MRPS35: variants seen among roughly 807,000 people sequenced by gnomAD.
MRPS35 encodes the protein small ribosomal subunit protein mS35.
MRPS35 carries 29 observed loss-of-function variants against 32.7 expected under a neutral mutation model. The ratio of observed to expected loss-of-function variants is 0.89; its 90% CI spans 0.66 to 1.21. The LOEUF is 1.21. Ranked by LOEUF, MRPS35 falls within the 50% of genes most tolerant of loss-of-function variation. The pLI, the probability that MRPS35 is intolerant of heterozygous loss-of-function variation, is 0.00. For synonymous variants in MRPS35, 148 were observed against 139.3 expected (o/e 1.06, Z -0.44); for missense variants, 373 against 383.8 (o/e 0.97, Z 0.23).
In MRPS35 at chr12:27,756,067, A is replaced by T. The variant is rs1467169861; in HGVS notation, c.*617A>T. On this transcript the variant is annotated 3_prime_UTR_variant, in exon 8 of 8. Transcript: ENST00000081029. ...AAAGTAGAAGTGGAGATTACCTGGT[A>T]TGTATCTCTCTGGGTGCCCCAGTTA... 1 of 152,272 alleles carries T rather than the reference A, an allele frequency of 6.6e-6. No individual in the cohort carries two copies. The highest frequency in any genetic ancestry group is 1.5e-5 in the Non-Finnish European group (1 of 68,062). The allele number at this position is 152,272 out of a possible 1,614,324, so 9.4% of individuals were successfully genotyped here.
chr12:27,737,499 G>A (rs1302048664), intron 6 of MRPS35, 40 bp from the exon 7 acceptor site: 1 of 1,556,220 alleles, frequency 6.4e-7, no homozygotes, highest in African/African-American at 1.4e-5. Context: ...TGTGTACTGA[G>A]TTTTTAGAAT....
At chr12:27,737,099 C>A (rs910846369) in intron 6 of MRPS35, among the ~76,000 whole-genome samples, 2 of 152,182 alleles carry the variant, frequency 1.3e-5, no homozygotes, top group Non-Finnish European at 2.9e-5. Context: ...TGGCCTCAAA[C>A]TTCTAGCCTC....
intron 7 of MRPS35, among the ~76,000 whole-genome samples, chr12:27,740,413 G>A (rs11049114): frequency 0.15 from 23,215 of 151,992 alleles, 2,402 homozygotes; most frequent in South Asian, 0.3. Context: ...GACTACAGGC[G>A]CATGGCACCA....
intron 7 of MRPS35, among the ~76,000 whole-genome samples, chr12:27,745,674 T>C (rs180897621): frequency 1.2e-3 from 180 of 152,170 alleles, no homozygotes; most frequent in African/African-American, 4.1e-3. Flanking sequence ...ACCCATTAAC[T>C]CGTCATTTAA....
At chr12:27,719,120 T>G (rs556040331) in intron 3 of MRPS35, among the ~76,000 whole-genome samples, 10 of 151,990 alleles carry the variant, frequency 6.6e-5, no homozygotes, top group Admixed American at 1.3e-4. Flanking sequence ...AAAATCCACG[T>G]GCTTAAGTCC....
intron 6 of MRPS35, among the ~76,000 whole-genome samples, chr12:27,737,024 C>G (rs988989424): frequency 6.6e-6 from 1 of 152,186 alleles, no homozygotes; most frequent in Non-Finnish European, 1.5e-5. Flanking sequence ...TACAGGTGCG[C>G]ATCACCATGC....
chr12:27,751,867 A>T (rs915881671), intron 7 of MRPS35, among the ~76,000 whole-genome samples: 1 of 152,332 alleles, frequency 6.6e-6, no homozygotes, highest in Admixed American at 6.5e-5. Context: ...CTGCACGCCA[A>T]ACTCGCTGAG....
intron 5 of MRPS35, among the ~76,000 whole-genome samples, chr12:27,728,155 G>T (rs1447767240): frequency 1.3e-5 from 2 of 152,050 alleles, no homozygotes; most frequent in African/African-American, 4.8e-5. Flanking sequence ...CCGTTTGCAT[G>T]TTGATCCAAT....
chr12:27,710,870 G>T lies in MRPS35; in HGVS notation c.27G>T (p.Trp9Cys), dbSNP rs201984315. 45 of 1,610,316 alleles carry T rather than the reference G, an allele frequency of 2.8e-5. No individual in the cohort carries two copies. Among genetic ancestry groups the T allele is most frequent in the Non-Finnish European group, 3.7e-5 (44 of 1,179,822 alleles). The change falls in exon 1 of 8, where the codon TGG becomes TGT. Residue 9 changes from tryptophan (W) to cysteine (C), a missense_variant. Coordinates refer to ENST00000081029, the MANE Select transcript of MRPS35 (RefSeq NM_021821.4). ...TGGCGGCCGCCGCGCTCCCAGCATG[G>T]CTGTCTCTGCAGTCGAGGGCAAGGA... MAAAALPA[W>C]LSLQSRARTL...
intron 1 of MRPS35, among the ~76,000 whole-genome samples, chr12:27,713,573 A>G (rs1024286696): frequency 2.0e-5 from 3 of 151,454 alleles, no homozygotes; most frequent in Non-Finnish European, 4.4e-5. Flanking sequence ...CCAGGTCCAG[A>G]AGAGAGAGAG....
intron 7 of MRPS35, among the ~76,000 whole-genome samples, chr12:27,743,550 AT>A (rs1383692798): frequency 1.3e-5 from 2 of 152,172 alleles, no homozygotes; most frequent in Non-Finnish European, 2.9e-5. Flanking sequence ...ATAAAATAAA[AT>A]GGCAAATGTT....
At chr12:27,737,306 C>T (rs575603757) in intron 6 of MRPS35, among the ~76,000 whole-genome samples, 1 of 152,302 alleles carries the variant, frequency 6.6e-6, no homozygotes, top group Admixed American at 6.5e-5. Context: ...CAGATAACTC[C>T]ATTAGTAATG....
rs547243826 is a variant in MRPS35 at position 27,745,925 on chromosome 12, G to A, written c.702+8317G>A. On this transcript the variant is annotated intron_variant, in intron 7 of 7. Transcript: ENST00000081029. ...ATTTTTTATGGCTGCATAGTATTCC[G>A]TGGTGTATATGTGCCACATTTTCTT... is the stretch of plus-strand genomic sequence containing the variant. 3.6e-4 allele frequency among the ~76,000 whole-genome samples: 55 copies of A among 152,226 alleles called. 1 individual carries two copies. In the South Asian group the frequency reaches 8.7e-3, roughly 24 times the overall value.
chr12:27,738,285 A>C (rs1158795565), intron 7 of MRPS35, among the ~76,000 whole-genome samples: 2 of 152,196 alleles, frequency 1.3e-5, no homozygotes, highest in Admixed American at 6.5e-5. Flanking sequence ...CAATACTTTC[A>C]GTAATTGTGT....
intron 7 of MRPS35, among the ~76,000 whole-genome samples, chr12:27,751,343 TC>T (rs1000997926): frequency 6.6e-5 from 10 of 152,054 alleles, no homozygotes; most frequent in African/African-American, 2.2e-4. Flanking sequence ...TTTTGTCAGA[TC>T]CCGGGGTCTG....
chr12:27,714,132 A>G (rs1326567700), intron 1 of MRPS35, among the ~76,000 whole-genome samples: 1 of 152,044 alleles, frequency 6.6e-6, no homozygotes, highest in African/African-American at 2.4e-5. Context: ...ACCGTCATAC[A>G]AACTAATTGA....
At chr12:27,722,711 T>C (rs2061881761) in intron 4 of MRPS35, among the ~76,000 whole-genome samples, 1 of 152,176 alleles carries the variant, frequency 6.6e-6, no homozygotes, top group Admixed American at 6.5e-5. Flanking sequence ...TACAATGATG[T>C]TAATTGCAAA....
chr12:27,726,726 G>C (rs1441809278), intron 5 of MRPS35, among the ~76,000 whole-genome samples: 2 of 151,948 alleles, frequency 1.3e-5, no homozygotes, highest in Admixed American at 6.6e-5. Flanking sequence ...GTTTTGATTT[G>C]TGTCTCCCTA....
Position 27,735,430 on chromosome 12 carries a change from C to A in MRPS35, c.523-17C>A, listed in dbSNP as rs748020543. On this transcript the variant is annotated splice_polypyrimidine_tract_variant and intron_variant, in intron 5 of 7. Coordinates refer to ENST00000081029, the MANE Select transcript of MRPS35 (RefSeq NM_021821.4). ...TATATGAAATTATTTTTTCAAATAA[C>A]TTTTCTTATTTTTAAGGTAAAGCTT... The A allele has an allele frequency of 2.4e-4, 373 of 1,535,722 alleles. No homozygotes were observed. Among genetic ancestry groups the A allele is most frequent in the Non-Finnish European group, 3.0e-4 (337 of 1,125,324 alleles).
Sources: allele counts gnomAD v4.1 joint callset (sites outside exome capture counted in the v4.1 genomes callset), GRCh38; gene constraint gnomAD v4.1.1; transcripts MANE v1.5; gene names NCBI Gene and HGNC (gene_info 2026-07-23, HGNC 2026-07-21).